The following PLCB1 variants were observed in gnomAD, a reference collection of about 807,000 sequenced individuals.
The protein encoded by PLCB1 is phospholipase C beta 1.
In PLCB1, 46 loss-of-function variants were observed where a neutral mutation model predicts 161.8. The ratio of observed to expected loss-of-function variants is 0.28; its 90% CI spans 0.22 to 0.36. The LOEUF (loss-of-function observed/expected upper bound fraction) is 0.36. Among genes scored for constraint, PLCB1 ranks in the 10% least tolerant of loss-of-function variants. PLCB1 has a pLI of 1.00. For synonymous variants in PLCB1, 517 were observed against 503.7 expected, an observed-to-expected ratio of 1.03 and a Z score of -0.35; for missense variants, 1,016 against 1,472.5, an observed-to-expected ratio of 0.69 and a Z score of 5.07.
chr20:8,603,153 T>G (rs778592414), intron 3 of PLCB1, among the ~76,000 whole-genome samples: 2 of 152,212 alleles, frequency 1.3e-5, no homozygotes, highest in Non-Finnish European at 2.9e-5. Context: ...CTCTCAAAAT[T>G]AGCATACTTG....
At chr20:8,772,413 T>C (rs1982734623) in intron 26 of PLCB1, among the ~76,000 whole-genome samples, 1 of 152,188 alleles carries the variant, frequency 6.6e-6, no homozygotes, top group African/African-American at 2.4e-5. Flanking sequence ...TTTTTGACCT[T>C]GGGCAAGTTG....
intron 3 of PLCB1, among the ~76,000 whole-genome samples, chr20:8,444,598 G>A (rs182726049): frequency 1.3e-5 from 2 of 152,276 alleles, no homozygotes; most frequent in African/African-American, 4.8e-5. Flanking sequence ...GGTATTTCTA[G>A]TTCTAGATCC....
rs1985200919 is a variant in PLCB1 at position 8,539,625 on chromosome 20, T to TTTCTTTCTTTCTTTCTTTCC, written c.247-88650_247-88649insCTTCTTTCTTTCTTTCTTTC. ...TTGCCTCTTTTCTTTATTTTCTTTCTTTCTTTCTTTCTTTCTTTCTTTCTT... is the reference window on the plus strand; with the variant it reads ...TTGCCTCTTTTCTTTATTTTCTTTCTTTCTTTCTTTCTTTCTTTCCTTCTTTCTTTCTTTCTTTCTTTCTT... On this transcript the variant is annotated intron_variant, in intron 3 of 31. Coordinates refer to ENST00000338037, the MANE Select transcript of PLCB1 (RefSeq NM_015192.4). Among the ~76,000 whole-genome samples, 9 of 70,722 alleles carry TTTCTTTCTTTCTTTCTTTCC rather than the reference T, an allele frequency of 1.3e-4. No individual in the cohort carries two copies. The South Asian group carries it at 1.8e-3, about 14-fold the overall frequency. 46.4% of individuals were successfully genotyped at this position (70,722 alleles called of 152,430 possible).
intron 3 of PLCB1, among the ~76,000 whole-genome samples, chr20:8,409,525 T>A (rs1199146056): frequency 6.6e-6 from 1 of 151,874 alleles, no homozygotes. Flanking sequence ...TGCAATGGCA[T>A]GGTCTTGGCT....
intron 14 of PLCB1, among the ~76,000 whole-genome samples, chr20:8,721,194 T>C: frequency 6.6e-6 from 1 of 152,328 alleles, no homozygotes; most frequent in Non-Finnish European, 1.5e-5. Flanking sequence ...CAGAGGACAG[T>C]GCAGTGGTAC....
chr20:8,730,208 G>A (rs1226465061), intron 18 of PLCB1, among the ~76,000 whole-genome samples: 26 of 151,872 alleles, frequency 1.7e-4, no homozygotes, highest in Admixed American at 1.7e-3. Context: ...TATGATTACA[G>A]CCTCCTCACC....
chr20:8,585,090 T>C (rs1305738193), intron 3 of PLCB1, among the ~76,000 whole-genome samples: 1 of 152,198 alleles, frequency 6.6e-6, no homozygotes, highest in Non-Finnish European at 1.5e-5. Context: ...TTGGGTGCTC[T>C]TGCCCATGCC....
chr20:8,791,687 T>C (rs116308990), intron 31 of PLCB1, among the ~76,000 whole-genome samples: 1,837 of 152,302 alleles, frequency 0.012, 42 homozygotes, highest in African/African-American at 0.041. Context: ...TGTTAACTAT[T>C]TTACTTACAG....
At chr20:8,675,229 G>A (rs796474439) in intron 9 of PLCB1, among the ~76,000 whole-genome samples, 5 of 152,132 alleles carry the variant, frequency 3.3e-5, no homozygotes, top group South Asian at 4.2e-4. Context: ...CTTCTTGCAC[G>A]CACCACCGCA....
chr20:8,468,741 A>T (rs769638846), intron 3 of PLCB1, among the ~76,000 whole-genome samples: 1 of 152,190 alleles, frequency 6.6e-6, no homozygotes, highest in Non-Finnish European at 1.5e-5. Context: ...CCATTTATGT[A>T]ACTCTTTATG....
Position 8,881,711 on chromosome 20 carries a change from A to C in PLCB1, c.3513A>C (p.Gly1171=), listed in dbSNP as rs781577271. ...ILEFVQEAMK[G]KISEDSNHGS... The stretch of plus-strand genomic sequence containing the variant: ...AATTCGTGCAGGAAGCCATGAAAGG[A>C]AAGATCAGTGAAGACAGCAATCACG... The change falls in exon 32 of 32, where the codon GGA becomes GGC. Residue 1171 remains glycine, a synonymous_variant. Coordinates refer to ENST00000338037, the MANE Select transcript of PLCB1 (RefSeq NM_015192.4). 2 of 1,614,074 alleles carry C rather than the reference A, an allele frequency of 1.2e-6. No individual in the cohort carries two copies. The highest frequency in any genetic ancestry group is 1.7e-5 in the Admixed American group (1 of 60,004).
intron 3 of PLCB1, among the ~76,000 whole-genome samples, chr20:8,487,731 G>A (rs1243092042): frequency 6.6e-6 from 1 of 152,190 alleles, no homozygotes; most frequent in African/African-American, 2.4e-5. Flanking sequence ...TTTCGATAAA[G>A]GGGCGGTGGT....
At chr20:8,193,124 A>C (rs982396562) in intron 2 of PLCB1, among the ~76,000 whole-genome samples, 2 of 151,996 alleles carry the variant, frequency 1.3e-5, no homozygotes, top group African/African-American at 4.8e-5. Context: ...CTTGACACGT[A>C]TTTTGTAGGA....
intron 2 of PLCB1, among the ~76,000 whole-genome samples, chr20:8,214,754 G>A (rs755049016): frequency 2.6e-5 from 4 of 151,980 alleles, no homozygotes; most frequent in Admixed American, 6.6e-5. Flanking sequence ...TGTGGCCTGC[G>A]AGTTGCCCAT....
chr20:8,649,534 G>T, intron 7 of PLCB1, 85 bp downstream of exon 7: 1 of 907,062 alleles, frequency 1.1e-6, no homozygotes, highest in South Asian at 1.3e-5. Context: ...TGACAGTTTT[G>T]AGAGGTAGGG....
intron 27 of PLCB1, 35 bp downstream of exon 27, chr20:8,774,754 C>G (rs773813856): frequency 1.9e-6 from 3 of 1,539,134 alleles, no homozygotes; most frequent in Non-Finnish European, 2.7e-6. Context: ...GTTTGTGCAA[C>G]TGGAACTCCC....
chr20:8,397,837 G>T (rs1295862987), intron 3 of PLCB1, among the ~76,000 whole-genome samples: 1 of 151,930 alleles, frequency 6.6e-6, no homozygotes, highest in Non-Finnish European at 1.5e-5. Context: ...CTATATGGAG[G>T]TTCTGTAGTT....
At chr20:8,755,310 C>A (rs1309278344) in intron 23 of PLCB1, among the ~76,000 whole-genome samples, 1 of 152,064 alleles carries the variant, frequency 6.6e-6, no homozygotes, top group African/African-American at 2.4e-5. Context: ...TATTATAGGT[C>A]AATTTTTCAT....
intron 3 of PLCB1, among the ~76,000 whole-genome samples, chr20:8,504,234 G>A (rs6086474): frequency 0.31 from 47,080 of 151,934 alleles, 7,534 homozygotes; most frequent in Admixed American, 0.36. Flanking sequence ...TAATGTTTCC[G>A]GTTACTGTGG....
Sources: gnomAD v4.1 joint callset for allele counts (sites outside exome capture counted in the v4.1 genomes callset) on GRCh38, gnomAD v4.1.1 for gene constraint, MANE v1.5 for transcripts, NCBI Gene and HGNC (gene_info 2026-07-23, HGNC 2026-07-21) for gene names.